Variants in LMNTD1 observed in about 807,000 individuals in gnomAD.
LMNTD1 encodes lamin tail domain containing 1.
In LMNTD1, 35 loss-of-function variants were observed where a neutral mutation model predicts 50.9. The observed-to-expected ratio is 0.69, with a 90% CI of 0.53 to 0.91. The LOEUF (loss-of-function observed/expected upper bound fraction) is 0.91. Ranked by LOEUF, LMNTD1 falls within the 40% of genes least tolerant of loss-of-function variation. The probability of loss-of-function intolerance (pLI) is 0.00; values close to 1 mark genes in which losing one functional copy is unlikely to be tolerated. For synonymous variants in LMNTD1, 153 were observed against 161.9 expected, an observed-to-expected ratio of 0.94 and a Z score of 0.42; for missense variants, 470 against 475.5, an observed-to-expected ratio of 0.99 and a Z score of 0.11.
intron 1 of LMNTD1, among the ~76,000 whole-genome samples, chr12:25,614,105 T>C (rs1276287964): frequency 6.6e-6 from 1 of 151,906 alleles, no homozygotes; most frequent in Non-Finnish European, 1.5e-5. Context: ...AAGTGTCCAT[T>C]GGGTTTATCA....
chr12:25,521,499 C>T (rs544116097), intron 6 of LMNTD1, among the ~76,000 whole-genome samples: 8 of 152,224 alleles, frequency 5.3e-5, no homozygotes, highest in Non-Finnish European at 7.4e-5. Context: ...TACAGAGTAA[C>T]GCATCTTGGC....
At chr12:25,546,173 G>A (rs1193434598) in intron 4 of LMNTD1, among the ~76,000 whole-genome samples, 2 of 151,560 alleles carry the variant, frequency 1.3e-5, no homozygotes, top group East Asian at 3.8e-4. Flanking sequence ...CTTTGAAGAA[G>A]TCACATTTCT....
intron 9 of LMNTD1, among the ~76,000 whole-genome samples, chr12:25,478,801 T>C (rs1168501602): frequency 6.6e-6 from 1 of 152,000 alleles, no homozygotes; most frequent in Non-Finnish European, 1.5e-5. Flanking sequence ...AAAAAAAAGC[T>C]GGTATTGATG....
chr12:25,610,709 G>A (rs895196530), intron 1 of LMNTD1, among the ~76,000 whole-genome samples: 2 of 152,296 alleles, frequency 1.3e-5, no homozygotes, highest in East Asian at 3.9e-4. Context: ...GAGTAAAGGA[G>A]ACAACATGGG....
chr12:25,562,405 G>C (rs1944369786), intron 1 of LMNTD1, among the ~76,000 whole-genome samples: 1 of 152,198 alleles, frequency 6.6e-6, no homozygotes, highest in African/African-American at 2.4e-5. Context: ...AGCTTAGTTT[G>C]GCTGGATATG....
intron 1 of LMNTD1, among the ~76,000 whole-genome samples, chr12:25,617,625 T>G (rs1288267818): frequency 6.6e-6 from 1 of 152,102 alleles, no homozygotes; most frequent in African/African-American, 2.4e-5. Context: ...AGAAAAACAT[T>G]TGAAACAGTA....
intron 1 of LMNTD1, among the ~76,000 whole-genome samples, chr12:25,565,917 C>T (rs770993308): frequency 5.3e-5 from 8 of 152,130 alleles, no homozygotes; most frequent in Non-Finnish European, 7.4e-5. Context: ...ATATGTTATG[C>T]CACTCTATCC....
chr12:25,624,501 C>G (rs1946543605), intron 1 of LMNTD1, among the ~76,000 whole-genome samples: 1 of 152,158 alleles, frequency 6.6e-6, no homozygotes, highest in South Asian at 2.1e-4. Context: ...AGCTAGAGAG[C>G]CTGATGGTGT....
At chr12:25,593,571 A>G (rs1280501813) in intron 1 of LMNTD1, among the ~76,000 whole-genome samples, 1 of 152,140 alleles carries the variant, frequency 6.6e-6, no homozygotes, top group East Asian at 1.9e-4. Context: ...CTTGAGCCCT[A>G]GGCCTTCCCA....
chr12:25,566,570 C>G (rs1592032173), intron 1 of LMNTD1, among the ~76,000 whole-genome samples: 1 of 152,332 alleles, frequency 6.6e-6, no homozygotes, highest in Middle Eastern at 3.4e-3. Flanking sequence ...AGTTTACATT[C>G]CCACCAGCAT....
At position 25,486,266 on chromosome 12, in the gene LMNTD1, C is replaced by A. The variant is rs1284996092; in HGVS notation, c.*23-9806G>T. On this transcript the variant is annotated intron_variant, in intron 9 of 9. Coordinates refer to ENST00000458174, the MANE Select transcript of LMNTD1 (RefSeq NM_001145728.2). ...CCTAGGTATTTTATTCTCTTTGAAG[C>A]AATTGTGAATGGGAGTTCACTCATG... 2.8e-5 allele frequency among the ~76,000 whole-genome samples: 4 copies of A among 142,482 alleles called. No individual in the cohort carries two copies. In the South Asian group the frequency reaches 7.3e-4, roughly 26 times the overall value. 93.5% of individuals were successfully genotyped at this position (142,482 alleles called of 152,430 possible). A position where few individuals can be genotyped will look rare whatever the true frequency, so the allele number is the denominator to read the frequency against.
At chr12:25,535,776 A>G (rs1591942923) in intron 4 of LMNTD1, among the ~76,000 whole-genome samples, 1 of 152,272 alleles carries the variant, frequency 6.6e-6, no homozygotes, top group East Asian at 1.9e-4. Context: ...ATGAAAAGAC[A>G]GAGATTTTTC....
chr12:25,493,462 A>C (rs1938955569), intron 9 of LMNTD1, among the ~76,000 whole-genome samples: 1 of 152,238 alleles, frequency 6.6e-6, no homozygotes, highest in Non-Finnish European at 1.5e-5. Flanking sequence ...TTGTTGCTTC[A>C]GAGAAGTATT....
In LMNTD1 at chr12:25,608,603, G is replaced by A. The variant is rs543460538; in HGVS notation, c.58+39891C>T. ...TCCTTCACTTATGAAGCTTAGTTTG[G>A]CTGGATATGAAATTCTGGGTTGAAA... On this transcript the variant is annotated intron_variant, in intron 1 of 7. Transcript: ENST00000445693. Among the ~76,000 whole-genome samples, 4 of 152,280 alleles carry A rather than the reference G, an allele frequency of 2.6e-5. No individual in the cohort carries two copies. In the East Asian group the frequency reaches 7.7e-4, roughly 29 times the overall value.
chr12:25,498,282 GTT>G (rs1418768908), intron 9 of LMNTD1, among the ~76,000 whole-genome samples: 1 of 152,044 alleles, frequency 6.6e-6, no homozygotes, highest in Non-Finnish European at 1.5e-5. Flanking sequence ...AAATATTTTT[GTT>G]CCTTTGTCAT....
At chr12:25,556,445 T>G (rs1039096582), upstream of LMNTD1, among the ~76,000 whole-genome samples, 1 of 152,218 alleles carries the variant, frequency 6.6e-6, no homozygotes, top group African/African-American at 2.4e-5. Flanking sequence ...ACCTCCTCAC[T>G]GTACTTGCTG....
chr12:25,499,808 G>A (rs910014090), intron 9 of LMNTD1: 5 of 151,910 alleles, frequency 3.3e-5, no homozygotes, highest in Non-Finnish European at 5.9e-5. Context: ...AGAAGTCTTA[G>A]TAGGAGGCAT....
intron 1 of LMNTD1, among the ~76,000 whole-genome samples, chr12:25,641,789 T>C (rs1946963496): frequency 6.6e-6 from 1 of 152,112 alleles, no homozygotes; most frequent in Non-Finnish European, 1.5e-5. Context: ...ATTTGGAAAT[T>C]AAACAACTGC....
At chr12:25,564,343 C>T (rs1010672924) in intron 1 of LMNTD1, among the ~76,000 whole-genome samples, 2 of 152,246 alleles carry the variant, frequency 1.3e-5, no homozygotes, top group Non-Finnish European at 2.9e-5. Context: ...ACTGCAACCT[C>T]TGCCTTCCAG....
Sources: allele counts gnomAD v4.1 joint callset (sites outside exome capture counted in the v4.1 genomes callset), GRCh38; gene constraint gnomAD v4.1.1; transcripts MANE v1.5; gene names NCBI Gene and HGNC (gene_info 2026-07-23, HGNC 2026-07-21).